Variants in CACNA1C observed in about 807,000 individuals in gnomAD.
The protein encoded by CACNA1C is voltage-dependent L-type calcium channel subunit alpha-1C.
CACNA1C carries 30 observed loss-of-function variants against 229.0 expected under a neutral mutation model. That is an observed-to-expected ratio of 0.13 (90% CI 0.10 to 0.18). CACNA1C has a LOEUF of 0.18. CACNA1C is among the 10% of genes least tolerant of loss of function. CACNA1C has a pLI of 1.00. For synonymous variants in CACNA1C, 1,114 were observed against 1,132.5 expected, an observed-to-expected ratio of 0.98 and a Z score of 0.33; for missense variants, 1,658 against 2,845.0, an observed-to-expected ratio of 0.58 and a Z score of 9.49.
At chr12:2,355,503 G>C (rs1444055552) in intron 3 of CACNA1C, among the ~76,000 whole-genome samples, 1 of 152,106 alleles carries the variant, frequency 6.6e-6, no homozygotes, top group East Asian at 1.9e-4. Context: ...CATATTTCCT[G>C]CTGCTGTATT....
At chr12:2,032,438 A>G (rs927046514) in intron 1 of CACNA1C, among the ~76,000 whole-genome samples, 3 of 152,120 alleles carry the variant, frequency 2.0e-5, no homozygotes, top group Admixed American at 1.3e-4. Flanking sequence ...CTTGAAAAGG[A>G]TTGTTAAAAA....
intron 3 of CACNA1C, among the ~76,000 whole-genome samples, chr12:2,394,417 G>GA (rs1354552056): frequency 6.6e-6 from 1 of 152,186 alleles, no homozygotes; most frequent in Non-Finnish European, 1.5e-5. Context: ...GGAAGATGTA[G>GA]AATAAATTTG....
chr12:2,669,084 ACAAT>A, intron 38 of CACNA1C, 49 bp downstream of exon 38: 2 of 1,290,810 alleles, frequency 1.5e-6, no homozygotes, highest in Non-Finnish European at 2.3e-6. Context: ...GGTCTAGCAG[ACAAT>A]CAGAGAGGAG....
At chr12:2,561,842 T>A (rs568395430) in intron 11 of CACNA1C, among the ~76,000 whole-genome samples, 6 of 152,332 alleles carry the variant, frequency 3.9e-5, no homozygotes, top group African/African-American at 1.4e-4. Flanking sequence ...CCAGTTAGTG[T>A]GAAGGGAATA....
At chr12:2,412,606 T>G (rs2098820757) in intron 3 of CACNA1C, among the ~76,000 whole-genome samples, 1 of 152,228 alleles carries the variant, frequency 6.6e-6, no homozygotes, top group Non-Finnish European at 1.5e-5. Flanking sequence ...TTAATTCAAT[T>G]TAATTCAGTC....
intron 9 of CACNA1C, among the ~76,000 whole-genome samples, chr12:2,531,874 C>G (rs898940228): frequency 2.0e-5 from 3 of 152,206 alleles, no homozygotes; most frequent in African/African-American, 7.2e-5. Flanking sequence ...TCCTCTACAA[C>G]ACCTTCACTA....
chr12:2,301,258 C>T (rs114883695), intron 3 of CACNA1C, among the ~76,000 whole-genome samples: 2 of 152,276 alleles, frequency 1.3e-5, no homozygotes, highest in African/African-American at 2.4e-5. Context: ...TAGAGGGTAT[C>T]GGTAGAACCC....
intron 30 of CACNA1C, among the ~76,000 whole-genome samples, chr12:2,634,973 C>G (rs932351061): frequency 6.6e-6 from 1 of 152,194 alleles, no homozygotes; most frequent in Non-Finnish European, 1.5e-5. Context: ...GCAGCCCATG[C>G]AGGCATCCAG....
intron 3 of CACNA1C, among the ~76,000 whole-genome samples, chr12:2,161,347 T>C (rs1392456600): frequency 6.6e-6 from 1 of 152,160 alleles, no homozygotes; most frequent in East Asian, 1.9e-4. Flanking sequence ...GCAGCTGCAC[T>C]GAGGACAGAG....
intron 3 of CACNA1C, among the ~76,000 whole-genome samples, chr12:2,163,223 T>G (rs114982113): frequency 0.036 from 4,912 of 136,116 alleles, 271 homozygotes; most frequent in African/African-American, 0.12. Flanking sequence ...AAAAAAAAAG[T>G]GACCACTGAA....
chr12:2,013,322 T>C (rs536320672), intron 1 of CACNA1C, among the ~76,000 whole-genome samples: 1 of 152,258 alleles, frequency 6.6e-6, no homozygotes, highest in South Asian at 2.1e-4. Flanking sequence ...GAGTGTTTAG[T>C]CATTGGCCCT....
intron 3 of CACNA1C, among the ~76,000 whole-genome samples, chr12:2,368,904 C>T (rs1013651215): frequency 2.6e-5 from 4 of 152,160 alleles, no homozygotes; most frequent in Non-Finnish European, 5.9e-5. Context: ...GGATAAGAGA[C>T]GGCATTCCTA....
Position 2,426,997 on chromosome 12 carries a change from A to G in CACNA1C, c.478-21979A>G, listed in dbSNP as rs139702639. On this transcript the variant is annotated intron_variant, in intron 3 of 46. Coordinates refer to ENST00000399655, the MANE Select transcript of CACNA1C (RefSeq NM_000719.7). ...CAGCTCAGATTGAAGAGATGAGGAAATAGACTCTGATTCTGGAAAAGAAGA... is the reference window on the plus strand; with the variant it reads ...CAGCTCAGATTGAAGAGATGAGGAAGTAGACTCTGATTCTGGAAAAGAAGA... Among the ~76,000 whole-genome samples the G allele has an allele frequency of 1.6e-4, 25 of 152,372 alleles. No individual in the cohort carries two copies. In the East Asian group the frequency reaches 4.4e-3, roughly 27 times the overall value.
rs562364360 is a variant in CACNA1C at position 2,294,958 on chromosome 12, G to T, written c.478-154018G>T. ...AATGCTGTGCGCACAGTTCTGTGTT[G>T]TGCCTCTCCCGGGGAAGGGGTGTAT... On this transcript the variant is annotated intron_variant, in intron 3 of 46. Transcript: ENST00000399655. Among the ~76,000 whole-genome samples, 29 of 152,298 alleles carry T rather than the reference G, an allele frequency of 1.9e-4. No individual in the cohort carries two copies. In the East Asian group the frequency reaches 3.7e-3, roughly 19 times the overall value.
intron 3 of CACNA1C, among the ~76,000 whole-genome samples, chr12:2,317,200 A>G (rs909480401): frequency 1.3e-5 from 2 of 152,244 alleles, no homozygotes; most frequent in African/African-American, 4.8e-5. Flanking sequence ...TCAAAGAGAT[A>G]TTCGCACACC....
At chr12:2,570,911 GA>G (rs1385396239) in intron 13 of CACNA1C, among the ~76,000 whole-genome samples, 2 of 152,160 alleles carry the variant, frequency 1.3e-5, no homozygotes, top group Non-Finnish European at 2.9e-5. Flanking sequence ...TGACCCCATC[GA>G]AAGAGAGCTC....
chr12:2,107,316 G>T (rs1281712104), intron 1 of CACNA1C, among the ~76,000 whole-genome samples: 1 of 135,126 alleles, frequency 7.4e-6, no homozygotes, highest in East Asian at 2.3e-4. Context: ...CCTGGAGAGG[G>T]TTTCCACCTC....
chr12:2,568,834 CG>C lies in CACNA1C; in HGVS notation c.1895+1041del, dbSNP rs576596018. 3.6e-4 allele frequency among the ~76,000 whole-genome samples: 55 copies of C among 151,658 alleles called. No individual in the cohort carries two copies. The East Asian group carries it at 0.01, about 28-fold the overall frequency. On this transcript the variant is annotated intron_variant, in intron 13 of 46. Coordinates refer to ENST00000399655, the MANE Select transcript of CACNA1C (RefSeq NM_000719.7). ...GAGGATGGTGGTGGTTTCACAACAG[CG>C]TGAATGTATTTAGCACCACTGAATT...
intron 3 of CACNA1C, among the ~76,000 whole-genome samples, chr12:2,328,800 G>T (rs781468301): frequency 1.3e-5 from 2 of 152,190 alleles, no homozygotes; most frequent in Non-Finnish European, 2.9e-5. Flanking sequence ...TGTTGCTAAT[G>T]CATCTTCTTT....
Sources: gnomAD v4.1 joint callset for allele counts (sites outside exome capture counted in the v4.1 genomes callset) on GRCh38, gnomAD v4.1.1 for gene constraint, MANE v1.5 for transcripts, NCBI Gene and HGNC (gene_info 2026-07-23, HGNC 2026-07-21) for gene names.